Variants in SLC25A13 observed in about 807,000 individuals in gnomAD.
SLC25A13 encodes the protein solute carrier family 25 member 13, also known as electrogenic aspartate/glutamate antiporter SLC25A13, mitochondrial.
Under a neutral mutation model 85.5 loss-of-function variants are expected in SLC25A13, and 70 were observed. That is an observed-to-expected ratio of 0.82 (90% CI 0.68 to 1.00). The LOEUF is 1.00. Ranked by LOEUF, SLC25A13 falls within the 50% of genes least tolerant of loss-of-function variation. The pLI is 0.00. For missense variants in SLC25A13, 765 were observed against 819.8 expected, an observed-to-expected ratio of 0.93 and a Z score of 0.82; for synonymous variants, 259 against 288.7, an observed-to-expected ratio of 0.90 and a Z score of 1.04.
intron 3 of SLC25A13, among the ~76,000 whole-genome samples, chr7:96,270,094 T>C (rs1311525335): frequency 6.6e-6 from 1 of 152,216 alleles, no homozygotes. Context: ...ATTGTATACT[T>C]GAAAATTGCT....
At chr7:96,190,908 G>A (rs904089215) in intron 7 of SLC25A13, among the ~76,000 whole-genome samples, 13 of 152,274 alleles carry the variant, frequency 8.5e-5, no homozygotes, top group African/African-American at 1.2e-4. Context: ...TCACCAAGCT[G>A]GGCCCAGTTT....
chr7:96,236,929 TCTC>T (rs1456501443), intron 3 of SLC25A13, among the ~76,000 whole-genome samples: 2 of 152,150 alleles, frequency 1.3e-5, no homozygotes, highest in Non-Finnish European at 2.9e-5. Flanking sequence ...ATAGACTTCT[TCTC>T]CTGTTGAGTA....
chr7:96,245,704 C>A (rs1238357880), intron 3 of SLC25A13, among the ~76,000 whole-genome samples: 2 of 152,050 alleles, frequency 1.3e-5, no homozygotes, highest in Admixed American at 6.6e-5. Context: ...GAAAAGTCTA[C>A]TAAGTTTAAA....
rs1427739478 is a variant in SLC25A13, at chr7:96,120,911, C to A, written c.*280G>T. 47 of 554,926 alleles carry A rather than the reference C, an allele frequency of 8.5e-5. No individual in the cohort carries two copies. The highest frequency in any genetic ancestry group is 1.4e-4 in the Non-Finnish European group (42 of 293,198). 34.4% of individuals were successfully genotyped at this position (554,926 alleles called of 1,614,324 possible). The stretch of plus-strand genomic sequence containing the variant: ...GTACTAATTTCTATTCTGACTTGCT[C>A]CTTTCCCCAAATCATGTTAGTGTTG... On this transcript the variant is annotated 3_prime_UTR_variant, in exon 18 of 18. Coordinates refer to ENST00000265631, the MANE Select transcript of SLC25A13 (RefSeq NM_014251.3).
chr7:96,127,999 C>T (rs1257457985), intron 15 of SLC25A13, among the ~76,000 whole-genome samples: 1 of 152,142 alleles, frequency 6.6e-6, no homozygotes, highest in African/African-American at 2.4e-5. Flanking sequence ...TGCTCACTGC[C>T]CTTCTTGGGG....
At chr7:96,279,415 C>T (rs1209136183) in intron 2 of SLC25A13, among the ~76,000 whole-genome samples, 1 of 152,126 alleles carries the variant, frequency 6.6e-6, no homozygotes, top group Non-Finnish European at 1.5e-5. Context: ...TTAATGGACT[C>T]ACAGTTCCAC....
chr7:96,176,264 C>T (rs1450522514), intron 11 of SLC25A13, among the ~76,000 whole-genome samples: 3 of 152,134 alleles, frequency 2.0e-5, no homozygotes, highest in African/African-American at 7.2e-5. Flanking sequence ...GCAGAAAAAT[C>T]AGGTTTCTAA....
chr7:96,269,636 G>A lies in SLC25A13; in HGVS notation c.212+7560C>T, dbSNP rs185669302. Among the ~76,000 whole-genome samples the A allele has an allele frequency of 2.3e-4, 35 of 152,300 alleles. No homozygotes were observed. The East Asian group carries it at 6.5e-3, about 28-fold the overall frequency. ...CAAATTACAACAGGAAAATAAAACT[G>A]GTACACTGAAGAGGCATCTGCACTT... is the stretch of plus-strand genomic sequence containing the variant. On this transcript the variant is annotated intron_variant, in intron 3 of 17. Transcript: ENST00000265631.
intron 2 of SLC25A13, among the ~76,000 whole-genome samples, chr7:96,293,609 A>T (rs1364383913): frequency 1.3e-5 from 2 of 152,230 alleles, no homozygotes; most frequent in African/African-American, 4.8e-5. Flanking sequence ...CCCATCAAAA[A>T]GTGGGTGAAG....
chr7:96,254,721 A>G (rs1429845167), intron 3 of SLC25A13, among the ~76,000 whole-genome samples: 1 of 152,154 alleles, frequency 6.6e-6, no homozygotes, highest in African/African-American at 2.4e-5. Flanking sequence ...TGCCTTTTGG[A>G]TACGAATGGG....
intron 3 of SLC25A13, among the ~76,000 whole-genome samples, chr7:96,269,900 TAAA>T (rs1424238367): frequency 6.6e-6 from 1 of 152,116 alleles, no homozygotes. Flanking sequence ...ACATGGAATC[TAAA>T]AAAGTCAAAC....
At chr7:96,238,528 A>G (rs545953305) in intron 3 of SLC25A13, among the ~76,000 whole-genome samples, 3 of 152,338 alleles carry the variant, frequency 2.0e-5, no homozygotes, top group East Asian at 3.9e-4. Flanking sequence ...GCTGTGAATA[A>G]AAGTGCCCAC....
intron 13 of SLC25A13, among the ~76,000 whole-genome samples, chr7:96,156,096 A>G (rs1441524289): frequency 6.6e-6 from 1 of 152,196 alleles, no homozygotes; most frequent in African/African-American, 2.4e-5. Context: ...TGACTTTAAG[A>G]GCTTCTAAGA....
At chr7:96,129,319 A>T (rs574624306) in intron 15 of SLC25A13, among the ~76,000 whole-genome samples, 1 of 152,228 alleles carries the variant, frequency 6.6e-6, no homozygotes, top group Non-Finnish European at 1.5e-5. Context: ...GAAGGCATTT[A>T]TAAAGACAAC....
rs1312396424 is a variant in SLC25A13 at position 96,184,406 on chromosome 7, C to T, written c.1048G>A (p.Asp350Asn). Residue 350 changes from aspartate (D) to asparagine (N), a missense_variant, in exon 11 of 18, where the codon GAT becomes AAT. Coordinates refer to ENST00000265631, the MANE Select transcript of SLC25A13 (RefSeq NM_014251.3). ...AVGATAVYPIDLVKTRMQNQR... is the reference protein window; with the variant it reads ...AVGATAVYPINLVKTRMQNQR... ...TTCTGCATTCGAGTTTTTACAAGAT[C>T]GATAGGATACACAGCAGTGGCTCCA... 5.0e-6 allele frequency: 8 copies of T among 1,613,862 alleles called. No individual in the cohort carries two copies. Among genetic ancestry groups the T allele is most frequent in the Non-Finnish European group, 6.8e-6 (8 of 1,179,996 alleles).
chr7:96,146,332 T>C (rs149967321), intron 14 of SLC25A13, among the ~76,000 whole-genome samples: 2 of 152,162 alleles, frequency 1.3e-5, no homozygotes, highest in East Asian at 1.9e-4. Flanking sequence ...ACGATTCCTA[T>C]CATAGTCATC....
chr7:96,242,743 T>C (rs1032488174), intron 3 of SLC25A13, among the ~76,000 whole-genome samples: 7 of 152,226 alleles, frequency 4.6e-5, no homozygotes, highest in African/African-American at 1.7e-4. Flanking sequence ...ACCTATAACC[T>C]GGAAGCCTTC....
chr7:96,221,269 A>G (rs1796119108), intron 4 of SLC25A13, among the ~76,000 whole-genome samples: 1 of 152,174 alleles, frequency 6.6e-6, no homozygotes, highest in African/African-American at 2.4e-5. Flanking sequence ...ATCAACATAG[A>G]GACTATTTAC....
chr7:96,282,326 A>T (rs1486836244), intron 2 of SLC25A13, among the ~76,000 whole-genome samples: 1 of 152,144 alleles, frequency 6.6e-6, no homozygotes. Context: ...AGTCACAGTA[A>T]ATTGATAAAG....
Sources: allele counts gnomAD v4.1 joint callset (sites outside exome capture counted in the v4.1 genomes callset), GRCh38; gene constraint gnomAD v4.1.1; transcripts MANE v1.5; gene names NCBI Gene and HGNC (gene_info 2026-07-23, HGNC 2026-07-21).